BTBD10: variants seen among roughly 807,000 people sequenced by gnomAD.
The protein encoded by BTBD10 is BTB/POZ domain-containing protein 10.
A neutral mutation model predicts 53.2 loss-of-function variants in BTBD10; 21 were observed. The observed-to-expected ratio is 0.39, with a 90% CI of 0.28 to 0.57. The LOEUF is 0.57. BTBD10 is among the 20% of genes least tolerant of loss of function. BTBD10 has a pLI of 0.53. For synonymous variants in BTBD10, 149 were observed against 192.7 expected, an observed-to-expected ratio of 0.77 and a Z score of 1.88; for missense variants, 360 against 594.7, an observed-to-expected ratio of 0.61 and a Z score of 4.10.
chr11:13,397,168 T>G (rs1949574257), intron 8 of BTBD10, among the ~76,000 whole-genome samples: 1 of 152,228 alleles, frequency 6.6e-6, no homozygotes, highest in Admixed American at 6.5e-5. Flanking sequence ...ATCCATCTGG[T>G]CATGGACTTT....
intron 1 of BTBD10, among the ~76,000 whole-genome samples, chr11:13,460,175 T>A (rs1034176444): frequency 2.0e-5 from 3 of 152,166 alleles, no homozygotes; most frequent in Non-Finnish European, 4.4e-5. Flanking sequence ...ATCTGCAAAT[T>A]CCCATAGCAG....
At chr11:13,458,619 T>C (rs1459289997) in intron 1 of BTBD10, among the ~76,000 whole-genome samples, 11 of 152,196 alleles carry the variant, frequency 7.2e-5, no homozygotes, top group Non-Finnish European at 1.6e-4. Flanking sequence ...CTTCCAAAAA[T>C]TGGAGTATTA....
chr11:13,455,283 C>G (rs1405607223), intron 1 of BTBD10, among the ~76,000 whole-genome samples: 2 of 152,158 alleles, frequency 1.3e-5, no homozygotes, highest in Non-Finnish European at 2.9e-5. Context: ...CTCAGTCAAC[C>G]CTTAATGTTC....
chr11:13,405,532 T>C, intron 7 of BTBD10, 127 bp downstream of exon 7: 3 of 1,032,582 alleles, frequency 2.9e-6, no homozygotes. Context: ...ACATAAAACT[T>C]AATTTATAAA....
intron 7 of BTBD10, among the ~76,000 whole-genome samples, chr11:13,404,222 G>C (rs754756354): frequency 8.5e-5 from 13 of 152,112 alleles, no homozygotes; most frequent in Non-Finnish European, 1.3e-4. Context: ...GTCACATATA[G>C]AAAAATCAGG....
intron 2 of BTBD10, among the ~76,000 whole-genome samples, chr11:13,435,101 T>C (rs1950523009): frequency 6.6e-6 from 1 of 152,182 alleles, no homozygotes; most frequent in Non-Finnish European, 1.5e-5. Flanking sequence ...AGGGGAAAAG[T>C]CTAGGCTAGA....
Position 13,406,608 on chromosome 11 carries a change from A to G in BTBD10, c.809-752T>C, listed in dbSNP as rs537915091. ...GAGAGAAACAGAGAGTGAGCCAGAG[A>G]GAGAGACAGTGTGTGTGTGTGTGTG... On this transcript the variant is annotated intron_variant, in intron 6 of 8. Coordinates refer to ENST00000278174, the MANE Select transcript of BTBD10 (RefSeq NM_032320.7). Among the ~76,000 whole-genome samples the G allele has an allele frequency of 5.5e-5, 6 of 108,480 alleles. No homozygotes were observed. In the South Asian group the frequency reaches 1.8e-3, roughly 32 times the overall value. 71.2% of individuals were successfully genotyped at this position (108,480 alleles called of 152,430 possible).
chr11:13,432,865 AATTAAT>A (rs1950476201), intron 2 of BTBD10, among the ~76,000 whole-genome samples: 1 of 152,120 alleles, frequency 6.6e-6, no homozygotes, highest in African/African-American at 2.4e-5. Flanking sequence ...GTCAACATTC[AATTAAT>A]ATCTGTTCTA....
At chr11:13,409,757 T>C (rs1949901151) in intron 6 of BTBD10, among the ~76,000 whole-genome samples, 1 of 152,230 alleles carries the variant, frequency 6.6e-6, no homozygotes, top group South Asian at 2.1e-4. Flanking sequence ...CTTCACTGCA[T>C]TTTTCACAGC....
intron 6 of BTBD10, among the ~76,000 whole-genome samples, chr11:13,407,905 A>T (rs1949864331): frequency 6.6e-6 from 1 of 152,192 alleles, no homozygotes; most frequent in Non-Finnish European, 1.5e-5. Flanking sequence ...TGAGAAGTTC[A>T]AGTCATACGG....
At chr11:13,408,961 G>C (rs1386017920) in intron 6 of BTBD10, among the ~76,000 whole-genome samples, 2 of 152,164 alleles carry the variant, frequency 1.3e-5, no homozygotes, top group Admixed American at 1.3e-4. Flanking sequence ...ACTTCTGTGT[G>C]AACAGGGCCC....
intron 5 of BTBD10, among the ~76,000 whole-genome samples, chr11:13,414,683 T>C (rs1424328228): frequency 8.2e-6 from 1 of 122,628 alleles, no homozygotes; most frequent in African/African-American, 3.2e-5. Context: ...AAAAAAAGAA[T>C]ACAAAAATTA....
intron 2 of BTBD10, among the ~76,000 whole-genome samples, chr11:13,423,789 A>G (rs1302207734): frequency 6.6e-6 from 1 of 152,196 alleles, no homozygotes; most frequent in Non-Finnish European, 1.5e-5. Flanking sequence ...CTATAACAGA[A>G]TACCAGGACA....
chr11:13,462,599 G>A (rs1281629365), intron 1 of BTBD10: 1 of 152,224 alleles, frequency 6.6e-6, no homozygotes, highest in African/African-American at 2.4e-5. Context: ...TTCCGTGCAA[G>A]TTTTAAGAAA....
At chr11:13,426,381 G>C (rs1487613837) in intron 2 of BTBD10, among the ~76,000 whole-genome samples, 7 of 151,788 alleles carry the variant, frequency 4.6e-5, no homozygotes, top group African/African-American at 1.7e-4. Flanking sequence ...GAGTCCTTCA[G>C]GCAGAAAAAA....
intron 2 of BTBD10, among the ~76,000 whole-genome samples, chr11:13,423,005 T>C (rs941810901): frequency 6.6e-6 from 1 of 152,262 alleles, no homozygotes; most frequent in African/African-American, 2.4e-5. Flanking sequence ...TTCCCAAATA[T>C]GTAACTACTA....
chr11:13,399,482 A>G (rs913130771), intron 8 of BTBD10, among the ~76,000 whole-genome samples: 2 of 152,038 alleles, frequency 1.3e-5, no homozygotes. Flanking sequence ...CTTCTTTGCC[A>G]TTGGATTGAA....
chr11:13,439,852 C>T, intron 2 of BTBD10: 1 of 1,474,278 alleles, frequency 6.8e-7, no homozygotes, highest in Non-Finnish European at 9.0e-7. Flanking sequence ...TAATTATAAC[C>T]CAGAGATATC....
At chr11:13,396,320 T>G (rs1949550918) in intron 8 of BTBD10, among the ~76,000 whole-genome samples, 1 of 152,244 alleles carries the variant, frequency 6.6e-6, no homozygotes. Flanking sequence ...GGGAGTTCAC[T>G]CATGATTTGG....
Sources: allele counts gnomAD v4.1 joint callset (sites outside exome capture counted in the v4.1 genomes callset), GRCh38; gene constraint gnomAD v4.1.1; transcripts MANE v1.5; gene names NCBI Gene and HGNC (gene_info 2026-07-23, HGNC 2026-07-21).